The following SHROOM4 variants were observed in gnomAD, a reference collection of about 807,000 sequenced individuals.
SHROOM4 encodes the protein shroom family member 4.
Under a neutral mutation model 80.3 loss-of-function variants are expected in SHROOM4, and 17 were observed. That is an observed-to-expected ratio of 0.21 (90% CI 0.14 to 0.32). SHROOM4 has a LOEUF of 0.32. SHROOM4 is among the 10% of genes least tolerant of loss of function. SHROOM4 has a pLI of 1.00. For missense variants in SHROOM4, 993 were observed against 1,140.3 expected, an observed-to-expected ratio of 0.87 and a Z score of 1.86; for synonymous variants, 400 against 437.5, an observed-to-expected ratio of 0.91 and a Z score of 1.07.
intron 1 of SHROOM4, among the ~76,000 whole-genome samples, chrX:50,701,911 A>C: frequency 9.0e-6 from 1 of 111,488 alleles, no homozygotes; most frequent in Middle Eastern, 4.6e-3. Flanking sequence ...TCATCAAAAT[A>C]AAAAAAATCT....
At chrX:50,648,987 T>C (rs888017250) in intron 2 of SHROOM4, among the ~76,000 whole-genome samples, 11 of 111,309 alleles carry the variant, frequency 9.9e-5, no homozygotes, top group African/African-American at 3.3e-4. Context: ...ACTGGAAGCA[T>C]AGAGAAGTGA....
At chrX:50,664,139 C>T (rs1261646273) in intron 2 of SHROOM4, among the ~76,000 whole-genome samples, 1 of 111,685 alleles carries the variant, frequency 9.0e-6, no homozygotes, top group African/African-American at 3.3e-5. Context: ...AGATCCCTGT[C>T]GGGTGAAGGT....
intron 1 of SHROOM4, among the ~76,000 whole-genome samples, chrX:50,743,326 A>G (rs782009585): frequency 6.3e-5 from 7 of 111,750 alleles, no homozygotes; most frequent in Admixed American, 2.9e-4. Flanking sequence ...TTTCAAATCA[A>G]CTAAGAGAAG....
chrX:50,658,470 G>A (rs1932386330), intron 2 of SHROOM4, among the ~76,000 whole-genome samples: 1 of 111,116 alleles, frequency 9.0e-6, no homozygotes, highest in Non-Finnish European at 1.9e-5. Flanking sequence ...TTTGTAACTG[G>A]TTGACCTGCC....
rs1041825375 is a variant in SHROOM4, at chrX:50,735,155, G to A, written c.118-39218C>T. Among the ~76,000 whole-genome samples the A allele has an allele frequency of 1.2e-3, 134 of 112,145 alleles. 1 individual carries two copies. The highest frequency in any genetic ancestry group is 4.2e-3 in the African/African-American group (129 of 30,863). ...ACACACAGAGCAATGGAATGGCATT[G>A]AGAGTTCAGAAATAGACCGATAAAC... On this transcript the variant is annotated intron_variant, in intron 1 of 8. Coordinates refer to ENST00000376020, the MANE Select transcript of SHROOM4 (RefSeq NM_020717.5).
chrX:50,813,633 A>G (rs1471891471), intron 1 of SHROOM4, among the ~76,000 whole-genome samples: 1 of 112,227 alleles, frequency 8.9e-6, no homozygotes, highest in Admixed American at 9.3e-5. Flanking sequence ...GACGTGGGGC[A>G]GCAAGGGCTG....
intron 1 of SHROOM4, among the ~76,000 whole-genome samples, chrX:50,736,750 G>T (rs1328909726): frequency 8.9e-6 from 1 of 112,038 alleles, no homozygotes; most frequent in African/African-American, 3.2e-5. Context: ...ATTCCTTTGG[G>T]TATATACCCA....
At chrX:50,690,921 C>T (rs1933202363) in intron 2 of SHROOM4, among the ~76,000 whole-genome samples, 1 of 112,518 alleles carries the variant, frequency 8.9e-6, no homozygotes, top group African/African-American at 3.2e-5. Context: ...GAGCCAAGAT[C>T]GTGCCACTGC....
intron 2 of SHROOM4, among the ~76,000 whole-genome samples, chrX:50,657,098 G>T (rs782460585): frequency 1.8e-5 from 2 of 111,205 alleles, no homozygotes; most frequent in Admixed American, 1.9e-4. Context: ...TTTTTACAGG[G>T]TAACTTTGTA....
chrX:50,789,090 A>G (rs782754362), intron 1 of SHROOM4, among the ~76,000 whole-genome samples: 3 of 112,215 alleles, frequency 2.7e-5, no homozygotes, highest in Non-Finnish European at 5.6e-5. Context: ...TCTACTTTCA[A>G]TAGTGGATGG....
At chrX:50,730,035 T>C (rs903054584) in intron 1 of SHROOM4, among the ~76,000 whole-genome samples, 12 of 112,078 alleles carry the variant, frequency 1.1e-4, no homozygotes, top group South Asian at 3.7e-4. Context: ...AGAGAGTAAT[T>C]TGAATTTTCA....
intron 2 of SHROOM4, among the ~76,000 whole-genome samples, chrX:50,681,580 T>C (rs1557261806): frequency 1.8e-5 from 2 of 112,157 alleles, no homozygotes; most frequent in African/African-American, 6.5e-5. Flanking sequence ...CTGAATGAGC[T>C]AAAGTCTCCC....
intron 2 of SHROOM4, among the ~76,000 whole-genome samples, chrX:50,667,104 G>T (rs1296436907): frequency 9.0e-6 from 1 of 111,380 alleles, no homozygotes; most frequent in African/African-American, 3.3e-5. Context: ...CTCTCACTCA[G>T]GATAGAAACT....
chrX:50,635,565 A>T lies in SHROOM4; in HGVS notation c.508T>A (p.Tyr170Asn). The T allele has an allele frequency of 8.3e-7, 1 of 1,209,988 alleles. No individual in the cohort carries two copies. The highest frequency in any genetic ancestry group is 1.8e-5 in the South Asian group (1 of 56,741). ...ESLEQPGQATYESHLLPIDQN... is the reference protein window; with the variant it reads ...ESLEQPGQATNESHLLPIDQN... The stretch of plus-strand genomic sequence containing the variant: ...TCAATAGGCAACAGATGGCTCTCAT[A>T]GGTGGCTTGGCCTGGTTGCTCCAGG... Residue 170 changes from tyrosine (Y) to asparagine (N), a missense_variant, in exon 4 of 9, where the codon TAT becomes AAT. By Grantham distance (143) the Tyr-to-Asn change is moderately radical (BLOSUM62 -2). Coordinates refer to ENST00000376020, the MANE Select transcript of SHROOM4 (RefSeq NM_020717.5).
chrX:50,618,400 CTTCCTTCCTTCCTTCCTTCCT>C (rs2147259330), intron 5 of SHROOM4, among the ~76,000 whole-genome samples: 1 of 77,896 alleles, frequency 1.3e-5, no homozygotes, highest in Non-Finnish European at 2.4e-5. Context: ...TCCTTCCTTC[CTTCCTTCCTTCCTTCCTTCCT>C]TTCTTATTTT....
intron 1 of SHROOM4, among the ~76,000 whole-genome samples, chrX:50,783,130 A>G (rs1339265194): frequency 1.8e-5 from 2 of 112,179 alleles, no homozygotes; most frequent in African/African-American, 6.5e-5. Flanking sequence ...AAGGAAGTGA[A>G]ATCATCTTTA....
At chrX:50,576,492 G>C in the SHROOM4 span, among the ~76,000 whole-genome samples, 1 of 111,571 alleles carries the variant, frequency 9.0e-6, no homozygotes, top group Non-Finnish European at 1.9e-5. Context: ...GTTATATTTA[G>C]CAAAGAGAAG....
chrX:50,592,454 A>C lies in SHROOM4; in HGVS notation c.*4241T>G. On this transcript the variant is annotated 3_prime_UTR_variant, in exon 9 of 9. Transcript: ENST00000376020. ...GAAGTTGAGCTAGTAGCCCAGGTTCATTGAATAAGTGGCAGAACCAGGATT... is the reference window on the plus strand; with the variant it reads ...GAAGTTGAGCTAGTAGCCCAGGTTCCTTGAATAAGTGGCAGAACCAGGATT... 1 of 233,109 alleles carries C rather than the reference A, an allele frequency of 4.3e-6. No individual in the cohort carries two copies. Among genetic ancestry groups the C allele is most frequent in the Non-Finnish European group, 7.9e-6 (1 of 126,170 alleles). The allele number at this position is 233,109 out of a possible 1,213,427, so 19.2% of individuals were successfully genotyped here. A position where few individuals can be genotyped will look rare whatever the true frequency, so the allele number is the denominator to read the frequency against.
intron 1 of SHROOM4, among the ~76,000 whole-genome samples, chrX:50,720,337 G>A (rs1200865302): frequency 5.4e-5 from 6 of 111,732 alleles, no homozygotes; most frequent in African/African-American, 2.0e-4. Context: ...GTGGCCAAAG[G>A]CAGGTGAACC....
Sources: allele counts gnomAD v4.1 joint callset (sites outside exome capture counted in the v4.1 genomes callset), GRCh38; gene constraint gnomAD v4.1.1; transcripts MANE v1.5; gene names NCBI Gene and HGNC (gene_info 2026-07-23, HGNC 2026-07-21).